PRMT9: variants seen among roughly 807,000 people sequenced by gnomAD.
PRMT9 encodes protein arginine N-methyltransferase 9.
In PRMT9, 59 loss-of-function variants were observed where a neutral mutation model predicts 83.2. That is an observed-to-expected ratio of 0.71 (90% CI 0.57 to 0.88). The LOEUF is 0.88. Ranked by LOEUF, PRMT9 falls within the 40% of genes least tolerant of loss-of-function variation. The pLI, the probability that PRMT9 is intolerant of heterozygous loss-of-function variation, is 0.00. For missense variants in PRMT9, 947 were observed against 1,021.9 expected, an observed-to-expected ratio of 0.93 and a Z score of 1.00; for synonymous variants, 333 against 353.2, an observed-to-expected ratio of 0.94 and a Z score of 0.64.
intron 1 of PRMT9, among the ~76,000 whole-genome samples, chr4:147,682,008 T>C (rs1736501285): frequency 6.6e-6 from 1 of 152,120 alleles, no homozygotes; most frequent in Non-Finnish European, 1.5e-5. Flanking sequence ...AATATACTTT[T>C]TTATTTTTTC....
intron 2 of PRMT9, among the ~76,000 whole-genome samples, chr4:147,679,656 G>A (rs1197783591): frequency 6.6e-6 from 1 of 152,118 alleles, no homozygotes; most frequent in Non-Finnish European, 1.5e-5. Flanking sequence ...GCTGAGGAAC[G>A]AGAATCACTT....
At chr4:147,676,266 A>T (rs1299334932) in intron 2 of PRMT9, among the ~76,000 whole-genome samples, 1 of 152,244 alleles carries the variant, frequency 6.6e-6, no homozygotes, top group Admixed American at 6.5e-5. Context: ...AATTGAGTTT[A>T]TCCTGAAACA....
Position 147,653,882 on chromosome 4 carries a change from T to G in PRMT9, c.2015A>C (p.Gln672Pro). The change falls in exon 9 of 12, where the codon CAG becomes CCG. Residue 672 changes from glutamine (Q) to proline (P), a missense_variant. Transcript: ENST00000322396. ...TATTGCAGCTTTTTCCATTATTTCC[T>G]GCTGAATGAGCCCAGATGGCTCAAT... ...DVIEPSGLIQ[Q>P]EIMEKAAISR... 6.2e-7 allele frequency: 1 copy of G among 1,614,080 alleles called. No homozygotes were observed. Among genetic ancestry groups the G allele is most frequent in the Non-Finnish European group, 8.5e-7 (1 of 1,179,944 alleles).
chr4:147,649,208 GGA>G (rs140879496), intron 9 of PRMT9, among the ~76,000 whole-genome samples: 1 of 150,988 alleles, frequency 6.6e-6, no homozygotes, highest in Non-Finnish European at 1.5e-5. Flanking sequence ...GAGAGAAGAG[GGA>G]GAGAGAGAGA....
intron 8 of PRMT9, 42 bp from the exon 9 acceptor site, chr4:147,654,608 A>G (rs761165977): frequency 2.1e-5 from 27 of 1,282,534 alleles, no homozygotes; most frequent in Non-Finnish European, 2.9e-5. Context: ...TGGAGTACTT[A>G]TAAGCCAGAG....
intron 2 of PRMT9, among the ~76,000 whole-genome samples, chr4:147,676,326 A>G (rs1005459684): frequency 4.6e-5 from 7 of 152,232 alleles, no homozygotes; most frequent in Non-Finnish European, 8.8e-5. Context: ...TGGAAATATA[A>G]TTGAATCCTA....
Position 147,654,014 on chromosome 4 carries a change from A to T in PRMT9, c.1883T>A (p.Phe628Tyr). 1 of 1,614,218 alleles carries T rather than the reference A, an allele frequency of 6.2e-7. No individual in the cohort carries two copies. Residue 628 changes from phenylalanine to tyrosine, a missense_variant, in exon 9 of 12, where the codon TTT becomes TAT. Coordinates refer to ENST00000322396, the MANE Select transcript of PRMT9 (RefSeq NM_138364.4). ...CCAAAACTCAAGTGTTTCTTTAGGA[A>T]AGTGATTGGCTTCAGATATGAGGTC... ...ALDLISEANH[F>Y]PKETLEFWLR...
chr4:147,683,167 C>T (rs1560712642), intron 1 of PRMT9, among the ~76,000 whole-genome samples: 1 of 152,124 alleles, frequency 6.6e-6, no homozygotes. Flanking sequence ...CAACTAGAGG[C>T]CCACTATATT....
chr4:147,652,054 G>T (rs997971904), intron 9 of PRMT9, among the ~76,000 whole-genome samples: 8 of 152,028 alleles, frequency 5.3e-5, no homozygotes, highest in African/African-American at 1.7e-4. Context: ...AGAAGAATTT[G>T]CAAATTCATG....
In PRMT9 at chr4:147,642,713, A is replaced by G. The variant is rs1733483530; in HGVS notation, c.2199+74T>C. On this transcript the variant is annotated intron_variant, in intron 10 of 11. Transcript: ENST00000322396. ...TTAGTCACTGTGTTTAGCTAGATTA[A>G]ACAGTGACTAAAGAGAGAGCGATGG... is the stretch of plus-strand genomic sequence containing the variant. 17 of 1,282,022 alleles carry G rather than the reference A, an allele frequency of 1.3e-5. No homozygotes were observed. The South Asian group carries it at 1.9e-4, about 14-fold the overall frequency. The allele number at this position is 1,282,022 out of a possible 1,614,324, so 79.4% of individuals were successfully genotyped here.
chr4:147,660,529 C>G (rs934918855), intron 7 of PRMT9, among the ~76,000 whole-genome samples: 2 of 152,120 alleles, frequency 1.3e-5, no homozygotes, highest in Admixed American at 1.3e-4. Context: ...ACTTGGGGGA[C>G]TGAGGCAGGA....
intron 2 of PRMT9, 38 bp downstream of exon 2, chr4:147,680,284 GA>G: frequency 6.3e-7 from 1 of 1,590,430 alleles, no homozygotes; most frequent in Non-Finnish European, 8.6e-7. Context: ...GACTAATACA[GA>G]ATAATTCTTA....
chr4:147,646,544 G>A lies in PRMT9; in HGVS notation c.2046-3604C>T, dbSNP rs955571465. Among the ~76,000 whole-genome samples, 11 of 151,980 alleles carry A rather than the reference G, an allele frequency of 7.2e-5. No homozygotes were observed. In the South Asian group the frequency reaches 1.9e-3, roughly 26 times the overall value. The stretch of plus-strand genomic sequence containing the variant: ...ATAAAACATAGGTTGAGCCCAGGAA[G>A]TCAAGGCTGCAGTGAGCCATGATCA... On this transcript the variant is annotated intron_variant, in intron 9 of 11. Transcript: ENST00000322396.
At chr4:147,653,811 A>G in intron 9 of PRMT9, 41 bp downstream of exon 9, 3 of 1,255,152 alleles carry the variant, frequency 2.4e-6, no homozygotes, top group Non-Finnish European at 3.3e-6. Flanking sequence ...ATCTGACCTC[A>G]AAAAAAAAAC....
At chr4:147,677,394 T>G (rs1736158300) in intron 2 of PRMT9, among the ~76,000 whole-genome samples, 1 of 151,850 alleles carries the variant, frequency 6.6e-6, no homozygotes, top group African/African-American at 2.4e-5. Context: ...GTTTATATTT[T>G]CAATTTATTA....
At chr4:147,672,624 CTTTTT>C (rs1388995703) in intron 4 of PRMT9, among the ~76,000 whole-genome samples, 1 of 152,144 alleles carries the variant, frequency 6.6e-6, no homozygotes, top group South Asian at 2.1e-4. Context: ...CTTGTGTTTT[CTTTTT>C]AAGTACAACT....
chr4:147,668,749 T>A, intron 5 of PRMT9, 104 bp from the exon 6 acceptor site: 2 of 753,954 alleles, frequency 2.7e-6, no homozygotes, highest in South Asian at 3.2e-5. Context: ...AAAAAGACAA[T>A]AAGTAAGGAT....
chr4:147,673,929 C>T (rs777063367), intron 2 of PRMT9, 55 bp from the exon 3 acceptor site: 209 of 1,414,862 alleles, frequency 1.5e-4, no homozygotes, highest in Non-Finnish European at 2.0e-4. Flanking sequence ...CTACCAACTG[C>T]AGTACCTTTG....
intron 9 of PRMT9, among the ~76,000 whole-genome samples, chr4:147,645,702 CA>C (rs1368887759): frequency 1.3e-5 from 2 of 152,068 alleles, no homozygotes; most frequent in Non-Finnish European, 2.9e-5. Flanking sequence ...GAAAAGTTAA[CA>C]AGGAAACAGT....
Sources: gnomAD v4.1 joint callset for allele counts (sites outside exome capture counted in the v4.1 genomes callset) on GRCh38, gnomAD v4.1.1 for gene constraint, MANE v1.5 for transcripts, NCBI Gene and HGNC (gene_info 2026-07-23, HGNC 2026-07-21) for gene names.